Variants in ZNF556 observed in about 807,000 individuals in gnomAD.
ZNF556 encodes zinc finger protein 556.
A neutral mutation model predicts 13.6 loss-of-function variants in ZNF556; 11 were observed. The ratio of observed to expected loss-of-function variants is 0.81; its 90% CI spans 0.51 to 1.33. The LOEUF is 1.33. ZNF556 is among the 40% of genes most tolerant of loss of function. The pLI is 0.00. For missense variants in ZNF556, 633 were observed against 566.2 expected (o/e 1.12, Z -1.20); for synonymous variants, 229 against 207.8 (o/e 1.10, Z -0.88).
intron 1 of ZNF556, 89 bp downstream of exon 1, chr19:2,867,513 G>A: frequency 6.5e-7 from 1 of 1,536,850 alleles, no homozygotes; most frequent in Non-Finnish European, 8.8e-7. Context: ...TCCCGGGGGA[G>A]CCGCCCGGAA....
Position 2,881,865 on chromosome 19 carries a change from C to T in ZNF556, c.*3536C>T, listed in dbSNP as rs558659163. 330 of 150,916 alleles carry T rather than the reference C, an allele frequency of 2.2e-3. 1 individual carries two copies. The highest frequency in any genetic ancestry group is 7.7e-3 in the African/African-American group (316 of 41,080). 9.3% of individuals were successfully genotyped at this position (150,916 alleles called of 1,614,324 possible). A position where few individuals can be genotyped will look rare whatever the true frequency, so the allele number is the denominator to read the frequency against. On this transcript the variant is annotated 3_prime_UTR_variant, in exon 4 of 4. Transcript: ENST00000307635. ...GCTCACACTTGTAATTCCAAAGCTT[C>T]GGGAGGCTGAGGCAGGAGGATCACT... is the stretch of plus-strand genomic sequence containing the variant.
chr19:2,874,425 G>A (rs2087832385), intron 2 of ZNF556, among the ~76,000 whole-genome samples: 1 of 151,748 alleles, frequency 6.6e-6, no homozygotes, highest in South Asian at 2.1e-4. Context: ...CTATCAATCT[G>A]TACTTTTCTT....
At chr19:2,875,855 T>G (rs1260522098) in intron 2 of ZNF556, among the ~76,000 whole-genome samples, 1 of 151,986 alleles carries the variant, frequency 6.6e-6, no homozygotes, top group Non-Finnish European at 1.5e-5. Flanking sequence ...TCCCAGCTAC[T>G]TGGGAGGCTG....
rs1262984897 is a variant in ZNF556 at position 2,878,040 on chromosome 19, T to A, written c.1082T>A (p.Val361Asp). ...GCGAGGCCTCGCCCCTCCACAGATG[T>A]CAAATCACAAACTAGAGAGAAAGTC... ...SSARPRPSTD[V>D]KSQTREKVYK... Residue 361 changes from valine to aspartate, a missense_variant, in exon 4 of 4, where the codon GTC becomes GAC. Physicochemically the swap from Val to Asp is radical, Grantham distance 152. Transcript: ENST00000307635. 2 of 1,614,110 alleles carry A rather than the reference T, an allele frequency of 1.2e-6. No individual in the cohort carries two copies. Among genetic ancestry groups the A allele is most frequent in the Non-Finnish European group, 1.7e-6 (2 of 1,179,996 alleles).
In ZNF556 at chr19:2,879,943, T is replaced by C. The variant is rs566226498; in HGVS notation, c.*1614T>C. 1 of 152,214 alleles carries C rather than the reference T, an allele frequency of 6.6e-6. No individual in the cohort carries two copies. Among genetic ancestry groups the C allele is most frequent in the South Asian group, 2.1e-4 (1 of 4,818 alleles). The allele number at this position is 152,214 out of a possible 1,614,324, so 9.4% of individuals were successfully genotyped here. A position where few individuals can be genotyped will look rare whatever the true frequency, so the allele number is the denominator to read the frequency against. ...TACTCGGGAGGCTGAGGCAGGAGGA[T>C]GGCGTGAACCTGGGAGGCGAAGCTT... On this transcript the variant is annotated 3_prime_UTR_variant, in exon 4 of 4. Coordinates refer to ENST00000307635, the MANE Select transcript of ZNF556 (RefSeq NM_024967.3).
intron 2 of ZNF556, chr19:2,875,316 C>G (rs961818443): frequency 6.6e-6 from 1 of 152,108 alleles, no homozygotes; most frequent in South Asian, 2.1e-4. Flanking sequence ...GCCTCAGCCT[C>G]CCGAGTAGCT....
intron 2 of ZNF556, among the ~76,000 whole-genome samples, chr19:2,874,127 C>G (rs1042933037): frequency 6.6e-6 from 1 of 150,878 alleles, no homozygotes; most frequent in Non-Finnish European, 1.5e-5. Flanking sequence ...CATGGTGGTG[C>G]GTGCCTGTAA....
rs1308280972 is a variant in ZNF556 at position 2,881,221 on chromosome 19, T to C, written c.*2892T>C. 1 of 152,072 alleles carries C rather than the reference T, an allele frequency of 6.6e-6. No individual in the cohort carries two copies. Among genetic ancestry groups the C allele is most frequent in the East Asian group, 1.9e-4 (1 of 5,188 alleles). The allele number at this position is 152,072 out of a possible 1,614,324, so 9.4% of individuals were successfully genotyped here. ...AAACTTACGTAACGGTTTTATAAAT[T>C]TAAGTATTAAATAAGTCTAGCAAAA... On this transcript the variant is annotated 3_prime_UTR_variant, in exon 4 of 4. Coordinates refer to ENST00000307635, the MANE Select transcript of ZNF556 (RefSeq NM_024967.3).
At chr19:2,868,662 C>G (rs7254969) in intron 1 of ZNF556, among the ~76,000 whole-genome samples, 119,259 of 151,154 alleles carry the variant, frequency 0.79, 47,956 homozygotes, top group East Asian at 1. Flanking sequence ...GGTGATCCAC[C>G]CGCCTTGGCC....
In ZNF556 at chr19:2,877,679, A is replaced by T. The variant is rs2087867107; in HGVS notation, c.721A>T (p.Ser241Cys). Residue 241 changes from serine (S) to cysteine (C), a missense_variant, in exon 4 of 4, where the codon AGT becomes TGT. Physicochemically the swap from Ser to Cys is moderately radical, Grantham distance 112. Coordinates refer to ENST00000307635, the MANE Select transcript of ZNF556 (RefSeq NM_024967.3). ...ATGTGGGCAGTGTGGGAAAGGCTTC[A>T]GTTGTCCCAAATCCTTTCGCGCACA... ...YECGQCGKGF[S>C]CPKSFRAHVM... The T allele has an allele frequency of 6.2e-7, 1 of 1,613,888 alleles. No homozygotes were observed. Among genetic ancestry groups the T allele is most frequent in the Non-Finnish European group, 8.5e-7 (1 of 1,179,980 alleles).
chr19:2,872,360 A>C (rs530611808), intron 1 of ZNF556, among the ~76,000 whole-genome samples: 2 of 151,560 alleles, frequency 1.3e-5, no homozygotes, highest in Non-Finnish European at 2.9e-5. Flanking sequence ...TTACCGCTAG[A>C]CCAAGGAGCC....
rs373920533 is a variant in ZNF556, at chr19:2,877,960, G to A, written c.1002G>A (p.Ala334=). ...FGWPSSLHKH[A]RTHAKKKPVS... is the part of the protein sequence containing the mutation. ...GGCCCTCATCCTTACACAAACACGCGAGAACGCATGCTAAAAAGAAACCTG... is the reference window on the plus strand; with the variant it reads ...GGCCCTCATCCTTACACAAACACGCAAGAACGCATGCTAAAAAGAAACCTG... The change falls in exon 4 of 4, where the codon GCG becomes GCA. Residue 334 remains alanine (A), a synonymous_variant. Coordinates refer to ENST00000307635, the MANE Select transcript of ZNF556 (RefSeq NM_024967.3). The A allele has an allele frequency of 8.6e-5, 139 of 1,614,120 alleles. No homozygotes were observed. In the East Asian group the frequency reaches 1.2e-3, roughly 14 times the overall value.
At position 2,873,610 on chromosome 19, in the gene ZNF556, C is replaced by A; in HGVS notation, c.118C>A (p.Leu40Met). 1 of 1,613,822 alleles carries A rather than the reference C, an allele frequency of 6.2e-7. No homozygotes were observed. Among genetic ancestry groups the A allele is most frequent in the South Asian group, 1.1e-5 (1 of 91,068 alleles). ...RDVMLETFKH[L>M]ASVDNEAQLK... ...TGTCATGCTGGAGACCTTCAAGCAC[C>A]TGGCCTCAGTAGGTGAGGATAGCAT... The change falls in exon 2 of 4, where the codon CTG (leucine) becomes ATG (methionine). Residue 40 changes from leucine to methionine, a missense_variant. Transcript: ENST00000307635.
chr19:2,873,790 C>CA (rs373285544), intron 2 of ZNF556, among the ~76,000 whole-genome samples, 168 bp downstream of exon 2: 2,147 of 147,862 alleles, frequency 0.015, 45 homozygotes, highest in African/African-American at 0.049. Flanking sequence ...CTTGTCTCTA[C>CA]AAAAAAAAAA....
chr19:2,867,438 A>AGGAGCCGAGCC lies in ZNF556; in HGVS notation c.3+22_3+32dup, dbSNP rs753224127. 1.6e-4 allele frequency: 252 copies of AGGAGCCGAGCC among 1,583,540 alleles called. No individual in the cohort carries two copies. Among genetic ancestry groups the AGGAGCCGAGCC allele is most frequent in the Non-Finnish European group, 2.1e-4 (246 of 1,166,476 alleles). ...GGACAGGACATGGTGAGTGCAGGGC[A>AGGAGCCGAGCC]GGAGCCGAGCCGGAGCCGGAGCCCT... On this transcript the variant is annotated intron_variant, in intron 1 of 3. Coordinates refer to ENST00000307635, the MANE Select transcript of ZNF556 (RefSeq NM_024967.3).
Position 2,878,003 on chromosome 19 carries a change from G to A in ZNF556, c.1045G>A (p.Gly349Arg). ...GAAACCTGTGAGTGGGGGCAGCGTGGGAAAGTCTTCCGCGAGGCCTCGCCC... is the reference window on the plus strand; with the variant it reads ...GAAACCTGTGAGTGGGGGCAGCGTGAGAAAGTCTTCCGCGAGGCCTCGCCC... Reference protein sequence around the residue: ...KKKPVSGGSVGKSSARPRPST... With the variant: ...KKKPVSGGSVRKSSARPRPST... The change falls in exon 4 of 4, where the codon GGA becomes AGA. Residue 349 changes from glycine to arginine, a missense_variant. By Grantham distance (125) the Gly-to-Arg change is moderately radical (BLOSUM62 -2). Coordinates refer to ENST00000307635, the MANE Select transcript of ZNF556 (RefSeq NM_024967.3). The A allele has an allele frequency of 6.2e-7, 1 of 1,614,110 alleles. No homozygotes were observed. The highest frequency in any genetic ancestry group is 8.5e-7 in the Non-Finnish European group (1 of 1,179,988).
At chr19:2,869,397 T>C (rs915234464) in intron 1 of ZNF556, among the ~76,000 whole-genome samples, 3 of 151,946 alleles carry the variant, frequency 2.0e-5, no homozygotes, top group Admixed American at 6.6e-5. Context: ...GACGGAGTCT[T>C]GCTCTGTCAC....
intron 1 of ZNF556, among the ~76,000 whole-genome samples, chr19:2,867,724 C>CAA (rs780342260): frequency 5.2e-5 from 7 of 134,308 alleles, no homozygotes; most frequent in Non-Finnish European, 9.4e-5. Flanking sequence ...AAAAACAAAA[C>CAA]AAAAAAAAAA....
chr19:2,873,493 T>C lies in ZNF556; in HGVS notation c.4-3T>C. On this transcript the variant is annotated splice_region_variant and splice_polypyrimidine_tract_variant and intron_variant, in intron 1 of 3. Transcript: ENST00000307635. ...TCATGTACACATATGTGGTTTGTTT[T>C]AGGACACAGTGGTCTTTGAAGACGT... The C allele has an allele frequency of 1.9e-6, 3 of 1,614,038 alleles. No individual in the cohort carries two copies. The highest frequency in any genetic ancestry group is 1.1e-5 in the South Asian group (1 of 91,074).
Sources: allele counts gnomAD v4.1 joint callset (sites outside exome capture counted in the v4.1 genomes callset), GRCh38; gene constraint gnomAD v4.1.1; transcripts MANE v1.5; gene names NCBI Gene and HGNC (gene_info 2026-07-23, HGNC 2026-07-21).